The following NTRK3 variants were observed in gnomAD, a reference collection of about 807,000 sequenced individuals.
The protein encoded by NTRK3 is neurotrophic receptor tyrosine kinase 3.
NTRK3 carries 24 observed loss-of-function variants against 91.7 expected under a neutral mutation model. That is an observed-to-expected ratio of 0.26 (90% CI 0.19 to 0.37). NTRK3 has a LOEUF of 0.37. Among genes scored for constraint, NTRK3 ranks in the 10% least tolerant of loss-of-function variants. The pLI is 1.00. For missense variants in NTRK3, 880 were observed against 1,068.9 expected (o/e 0.82, Z 2.46); for synonymous variants, 483 against 404.0 (o/e 1.20, Z -2.34).
At chr15:87,902,698 G>A (rs2066524289) in intron 17 of NTRK3, among the ~76,000 whole-genome samples, 1 of 152,060 alleles carries the variant, frequency 6.6e-6, no homozygotes, top group Non-Finnish European at 1.5e-5. Flanking sequence ...TTTTGCTTAA[G>A]GTAGAGAGTT....
rs2069752404 is a variant in NTRK3, at chr15:87,940,766, G to A, written c.1586-13C>T. 6.2e-7 allele frequency: 1 copy of A among 1,614,096 alleles called. No homozygotes were observed. Among genetic ancestry groups the A allele is most frequent in the Non-Finnish European group, 8.5e-7 (1 of 1,180,008 alleles). Reference sequence around the variant, plus strand: ...ATGTGCTGCACATCTGTAGGATGGGGACAAAGAGGAGGGCAGCAAATCAGT... The same window carrying A: ...ATGTGCTGCACATCTGTAGGATGGGAACAAAGAGGAGGGCAGCAAATCAGT... On this transcript the variant is annotated splice_polypyrimidine_tract_variant and intron_variant, in intron 14 of 18. Transcript: ENST00000394480.
intron 3 of NTRK3, among the ~76,000 whole-genome samples, chr15:88,232,676 G>A (rs956858716): frequency 6.6e-6 from 1 of 152,192 alleles, no homozygotes; most frequent in African/African-American, 2.4e-5. Flanking sequence ...CTGATTTGCA[G>A]TAAACTGAAC....
At chr15:87,941,534 A>G (rs1198556378) in intron 14 of NTRK3, among the ~76,000 whole-genome samples, 1 of 152,166 alleles carries the variant, frequency 6.6e-6, no homozygotes, top group Non-Finnish European at 1.5e-5. Context: ...TAAAGGCTGT[A>G]GTGACCCCAT....
At chr15:88,007,172 T>G (rs922499208) in intron 14 of NTRK3, among the ~76,000 whole-genome samples, 3 of 152,226 alleles carry the variant, frequency 2.0e-5, no homozygotes, top group African/African-American at 7.2e-5. Flanking sequence ...AATGATAGCT[T>G]GAGTTATATT....
intron 13 of NTRK3, among the ~76,000 whole-genome samples, chr15:88,070,737 G>A (rs972225756): frequency 2.6e-5 from 4 of 152,090 alleles, no homozygotes; most frequent in Admixed American, 1.3e-4. Context: ...AAGCCTGGTA[G>A]TAAAAGCCTG....
exon 19 of NTRK3, chr15:87,874,366 C>T (rs929339459): frequency 1.6e-4 from 35 of 214,784 alleles, no homozygotes; most frequent in African/African-American, 5.9e-4. Flanking sequence ...CGTGAAAGCC[C>T]GTGGGCCTAA....
At chr15:88,159,499 A>T (rs921325275) in intron 5 of NTRK3, among the ~76,000 whole-genome samples, 3 of 152,222 alleles carry the variant, frequency 2.0e-5, no homozygotes, top group Non-Finnish European at 4.4e-5. Flanking sequence ...CCTGGGTGAC[A>T]TTGATGTTGC....
chr15:87,870,301 G>C (rs994619218), exon 19 of NTRK3: 5 of 190,236 alleles, frequency 2.6e-5, no homozygotes, highest in African/African-American at 1.2e-4. Flanking sequence ...GGTGAGATTG[G>C]AGACCACTAT....
chr15:88,092,256 G>A lies in NTRK3; in HGVS notation c.1396+34015C>T, dbSNP rs184806368. On this transcript the variant is annotated intron_variant, in intron 13 of 18. Coordinates refer to ENST00000394480, the Ensembl canonical transcript of NTRK3. ...CAGCCGCTCAGTGTCATTCTTGGAG[G>A]GCTGGGCCACGTCTCTAGTCACTGA... Among the ~76,000 whole-genome samples, 11 of 152,264 alleles carry A rather than the reference G, an allele frequency of 7.2e-5. No homozygotes were observed. In the East Asian group the frequency reaches 2.1e-3, roughly 29 times the overall value.
At chr15:88,149,955 C>A (rs2151335195) in intron 5 of NTRK3, among the ~76,000 whole-genome samples, 1 of 152,302 alleles carries the variant, frequency 6.6e-6, no homozygotes, top group Non-Finnish European at 1.5e-5. Context: ...CTGGACAAGC[C>A]CCCAGCTTCC....
intron 5 of NTRK3, among the ~76,000 whole-genome samples, chr15:88,162,977 G>A (rs1294236678): frequency 6.6e-6 from 1 of 152,114 alleles, no homozygotes; most frequent in Non-Finnish European, 1.5e-5. Flanking sequence ...AAGAGTGAGA[G>A]GCACCCCATA....
At chr15:87,985,184 G>A (rs1002366523) in intron 14 of NTRK3, among the ~76,000 whole-genome samples, 1 of 152,190 alleles carries the variant, frequency 6.6e-6, no homozygotes, top group African/African-American at 2.4e-5. Context: ...AGGGAAGCAA[G>A]CATGGTCAGA....
At chr15:88,066,666 A>G (rs2046676411) in intron 13 of NTRK3, among the ~76,000 whole-genome samples, 1 of 152,184 alleles carries the variant, frequency 6.6e-6, no homozygotes, top group Non-Finnish European at 1.5e-5. Flanking sequence ...CCAGCTGTCC[A>G]TCACCCGCCC....
At chr15:87,926,973 A>G (rs1301712637) in intron 17 of NTRK3, 1 of 152,354 alleles carries the variant, frequency 6.6e-6, no homozygotes, top group African/African-American at 2.4e-5. Flanking sequence ...GCCCCACTCT[A>G]AGAAATCTAT....
intron 17 of NTRK3, among the ~76,000 whole-genome samples, chr15:87,923,940 G>T (rs565277121): frequency 1.3e-5 from 2 of 152,112 alleles, no homozygotes; most frequent in Admixed American, 6.6e-5. Flanking sequence ...ACCAGATGAG[G>T]CCCCTCGATC....
chr15:88,072,161 T>C (rs1055651871), intron 13 of NTRK3, among the ~76,000 whole-genome samples: 1 of 151,846 alleles, frequency 6.6e-6, no homozygotes, highest in African/African-American at 2.4e-5. Flanking sequence ...ACCGCCACCA[T>C]GCCTGGCTAA....
At chr15:88,183,397 C>T in intron 5 of NTRK3, 21 bp downstream of exon 5, 8 of 1,613,590 alleles carry the variant, frequency 5.0e-6, no homozygotes, top group Non-Finnish European at 6.8e-6. Flanking sequence ...CCCCCAATCC[C>T]TGCAGCCCAG....
chr15:88,063,079 C>T (rs2046355726), intron 13 of NTRK3, among the ~76,000 whole-genome samples: 1 of 152,214 alleles, frequency 6.6e-6, no homozygotes, highest in Admixed American at 6.5e-5. Flanking sequence ...GGGCTCCATC[C>T]CTTGGACAGA....
intron 13 of NTRK3, among the ~76,000 whole-genome samples, chr15:88,124,388 C>T (rs528802347): frequency 3.7e-4 from 56 of 152,286 alleles, no homozygotes; most frequent in Admixed American, 1.6e-3. Flanking sequence ...CTAATCCATC[C>T]GACATGGGGA....
Sources: allele counts gnomAD v4.1 joint callset (sites outside exome capture counted in the v4.1 genomes callset), GRCh38; gene constraint gnomAD v4.1.1; transcripts MANE v1.5; gene names NCBI Gene and HGNC (gene_info 2026-07-23, HGNC 2026-07-21).